ELMO1: variants seen among roughly 807,000 people sequenced by gnomAD.
ELMO1 encodes the protein engulfment and cell motility 1, also known as engulfment and cell motility protein 1.
In ELMO1, 26 loss-of-function variants were observed where a neutral mutation model predicts 98.9. That is an observed-to-expected ratio of 0.26 (90% CI 0.19 to 0.36). The LOEUF (loss-of-function observed/expected upper bound fraction) is 0.36. Ranked by LOEUF, ELMO1 falls within the 10% of genes least tolerant of loss-of-function variation. The probability of loss-of-function intolerance (pLI) is 1.00; values close to 1 mark genes in which losing one functional copy is unlikely to be tolerated. For synonymous variants in ELMO1, 346 were observed against 346.0 expected (o/e 1.00, Z 0.00); for missense variants, 627 against 935.2 (o/e 0.67, Z 4.30).
At chr7:37,154,410 A>G (rs934767517) in intron 13 of ELMO1, among the ~76,000 whole-genome samples, 2 of 70,874 alleles carry the variant, frequency 2.8e-5, no homozygotes, top group African/African-American at 5.8e-5. Context: ...GGAAGCTAAA[A>G]ACCCTGAAAA....
intron 13 of ELMO1, among the ~76,000 whole-genome samples, chr7:37,206,832 T>TAA (rs560316269): frequency 2.8e-5 from 4 of 142,072 alleles, no homozygotes; most frequent in Admixed American, 1.4e-4. Context: ...TTTCTTTTTT[T>TAA]AAAAAAAAAA....
chr7:37,228,283 C>G (rs775155004), intron 8 of ELMO1, among the ~76,000 whole-genome samples: 1 of 152,218 alleles, frequency 6.6e-6, no homozygotes, highest in African/African-American at 2.4e-5. Flanking sequence ...CATGTCTCTA[C>G]GTCCAGTTTG....
At chr7:37,292,893 A>G (rs1583475039) in intron 4 of ELMO1, among the ~76,000 whole-genome samples, 1 of 92,064 alleles carries the variant, frequency 1.1e-5, no homozygotes, top group Non-Finnish European at 2.4e-5. Context: ...CTGCCCGGCC[A>G]GCCGCCCCGT....
intron 1 of ELMO1, among the ~76,000 whole-genome samples, chr7:37,347,430 C>A (rs1233508421): frequency 1.5e-5 from 2 of 133,032 alleles, no homozygotes; most frequent in Non-Finnish European, 3.6e-5. Context: ...CAAATTTTCA[C>A]ATGTTGTAGA....
At chr7:37,375,030 G>A (rs1468893337) in intron 1 of ELMO1, among the ~76,000 whole-genome samples, 1 of 152,162 alleles carries the variant, frequency 6.6e-6, no homozygotes, top group African/African-American at 2.4e-5. Context: ...CTGCACTCCA[G>A]CCTGGGTGAC....
At chr7:37,186,449 A>C (rs1791211275) in intron 13 of ELMO1, among the ~76,000 whole-genome samples, 1 of 152,224 alleles carries the variant, frequency 6.6e-6, no homozygotes, top group Non-Finnish European at 1.5e-5. Flanking sequence ...AATAAAAAAC[A>C]AACTAGATAT....
Position 37,184,784 on chromosome 7 carries a change from TG to T in ELMO1, c.1086+26601del, listed in dbSNP as rs558087155. Among the ~76,000 whole-genome samples, 104 of 151,778 alleles carry T rather than the reference TG, an allele frequency of 6.9e-4. 2 individuals are homozygous for T. Among genetic ancestry groups the T allele is most frequent in the Admixed American group, 2.8e-3 (42 of 15,224 alleles). ...AAAAATTAGCCCTGGTGTGGTGGCA[TG>T]TTACTCAGGAGGCTGAGGTGGGAGG... On this transcript the variant is annotated intron_variant, in intron 13 of 21. Coordinates refer to ENST00000310758, the MANE Select transcript of ELMO1 (RefSeq NM_014800.11).
rs200608600 is a variant in ELMO1, at chr7:37,299,327, G to A, written c.192+15523C>T. On this transcript the variant is annotated intron_variant, in intron 4 of 21. Transcript: ENST00000310758. Reference sequence around the variant, plus strand: ...TAGTTGCCATTGCTTTTGGTGTTTTGGACATGAAGTCCTTGCCCATGCCTA... The same window carrying A: ...TAGTTGCCATTGCTTTTGGTGTTTTAGACATGAAGTCCTTGCCCATGCCTA... 2.6e-5 allele frequency among the ~76,000 whole-genome samples: 4 copies of A among 151,658 alleles called. No homozygotes were observed. In the East Asian group the frequency reaches 5.8e-4, roughly 22 times the overall value.
At chr7:37,373,238 C>T (rs974243251) in intron 1 of ELMO1, among the ~76,000 whole-genome samples, 4 of 152,186 alleles carry the variant, frequency 2.6e-5, no homozygotes, top group South Asian at 2.1e-4. Flanking sequence ...TATGCAAAAG[C>T]GGTAGTTTAA....
At chr7:37,248,226 A>G (rs1795124519) in intron 6 of ELMO1, among the ~76,000 whole-genome samples, 2 of 151,584 alleles carry the variant, frequency 1.3e-5, no homozygotes, top group Non-Finnish European at 2.9e-5. Flanking sequence ...GTCTCAATAT[A>G]CCTATTTTTT....
chr7:37,174,736 T>G (rs1790408110), intron 13 of ELMO1, among the ~76,000 whole-genome samples: 1 of 152,152 alleles, frequency 6.6e-6, no homozygotes, highest in South Asian at 2.1e-4. Flanking sequence ...GCTGGCACAC[T>G]GTTAATTACA....
chr7:37,402,859 G>T (rs1413841734), intron 1 of ELMO1, among the ~76,000 whole-genome samples: 1 of 152,176 alleles, frequency 6.6e-6, no homozygotes, highest in African/African-American at 2.4e-5. Flanking sequence ...AAGGGGGAAT[G>T]ATGTAACCAC....
chr7:37,188,519 T>C (rs1300138973), intron 13 of ELMO1, among the ~76,000 whole-genome samples: 5 of 127,588 alleles, frequency 3.9e-5, no homozygotes, highest in African/African-American at 6.2e-5. Context: ...ATAATAATAA[T>C]AATAATAACT....
intron 13 of ELMO1, among the ~76,000 whole-genome samples, chr7:37,178,719 G>C (rs147050006): frequency 1.3e-5 from 2 of 152,146 alleles, no homozygotes; most frequent in Admixed American, 6.6e-5. Flanking sequence ...CTCCTCATAC[G>C]AGGTGGCAAG....
At chr7:37,123,698 T>C (rs1786271541) in intron 14 of ELMO1, among the ~76,000 whole-genome samples, 1 of 152,212 alleles carries the variant, frequency 6.6e-6, no homozygotes, top group Non-Finnish European at 1.5e-5. Context: ...AGCTGAATTC[T>C]ACCAGAGGTA....
intron 16 of ELMO1, among the ~76,000 whole-genome samples, chr7:36,905,464 G>A (rs1361538711): frequency 6.6e-6 from 1 of 152,156 alleles, no homozygotes; most frequent in South Asian, 2.1e-4. Flanking sequence ...ACCTGAGACT[G>A]GATGGATTTT....
At chr7:37,334,279 C>G (rs529342291) in intron 2 of ELMO1, among the ~76,000 whole-genome samples, 1 of 152,082 alleles carries the variant, frequency 6.6e-6, no homozygotes, top group Non-Finnish European at 1.5e-5. Flanking sequence ...AACCCTGTCT[C>G]TACTAAAAAT....
Position 36,976,480 on chromosome 7 carries a change from G to A in ELMO1, c.1437+36819C>T, listed in dbSNP as rs114859670. ...ATTATTAGTATAAACTAATTAAAACGAGACTTTATTACAAATTTTGATACA... is the reference window on the plus strand; with the variant it reads ...ATTATTAGTATAAACTAATTAAAACAAGACTTTATTACAAATTTTGATACA... On this transcript the variant is annotated intron_variant, in intron 16 of 21. Coordinates refer to ENST00000310758, the MANE Select transcript of ELMO1 (RefSeq NM_014800.11). 8.6e-3 allele frequency among the ~76,000 whole-genome samples: 1,315 copies of A among 152,200 alleles called. 22 individuals carry two copies. The highest frequency in any genetic ancestry group is 0.029 in the African/African-American group (1,207 of 41,522).
chr7:37,171,641 C>T (rs929720305), intron 13 of ELMO1, among the ~76,000 whole-genome samples: 9 of 151,884 alleles, frequency 5.9e-5, no homozygotes, highest in African/African-American at 2.2e-4. Flanking sequence ...TACAGGCGCC[C>T]ACCACCATGC....
Sources: allele counts gnomAD v4.1 joint callset (sites outside exome capture counted in the v4.1 genomes callset), GRCh38; gene constraint gnomAD v4.1.1; transcripts MANE v1.5; gene names NCBI Gene and HGNC (gene_info 2026-07-23, HGNC 2026-07-21).